The following PCDHGA2 variants were observed in gnomAD, a reference collection of about 807,000 sequenced individuals.
PCDHGA2 encodes the protein protocadherin gamma subfamily A, 2.
Under a neutral mutation model 59.2 loss-of-function variants are expected in PCDHGA2, and 40 were observed. The ratio of observed to expected loss-of-function variants is 0.68; its 90% confidence interval spans 0.52 to 0.88. The LOEUF is 0.88. PCDHGA2 is among the 40% of genes least tolerant of loss of function. The pLI, the probability that PCDHGA2 is intolerant of heterozygous loss-of-function variation, is 0.00. For synonymous variants in PCDHGA2, 560 were observed against 526.0 expected (o/e 1.06, Z -0.89); for missense variants, 1,226 against 1,204.0 (o/e 1.02, Z -0.27).
chr5:141,399,620 CCTCTT>C (rs1251716471), intron 1 of PCDHGA2: 1 of 1,613,940 alleles, frequency 6.2e-7, no homozygotes, highest in Non-Finnish European at 8.5e-7. Context: ...CTGGCACTGG[CCTCTT>C]ACGTGTCCAT....
intron 1 of PCDHGA2, among the ~76,000 whole-genome samples, chr5:141,480,976 T>G (rs1485868136): frequency 6.6e-6 from 1 of 152,108 alleles, no homozygotes; most frequent in Non-Finnish European, 1.5e-5. Context: ...GGAGAATCAG[T>G]GAACCCAGGA....
chr5:141,491,855 G>A lies in PCDHGA2; in HGVS notation c.2425-2952G>A. ...TTCTCGGGATCATTGGACCGTTTGC[G>A]CGAAACCAGAGTGGCCGATTAAGGG... On this transcript the variant is annotated intron_variant, in intron 1 of 3. Coordinates refer to ENST00000394576, the MANE Select transcript of PCDHGA2 (RefSeq NM_018915.4). The surrounding 1 kb of genome is among the most constrained non-coding windows in gnomAD (Gnocchi z 6.9). The A allele has an allele frequency of 2.7e-6, 4 of 1,459,380 alleles. No individual in the cohort carries two copies. The highest frequency in any genetic ancestry group is 3.6e-6 in the Non-Finnish European group (4 of 1,103,492). The allele number at this position is 1,459,380 out of a possible 1,614,324, so 90.4% of individuals were successfully genotyped here. A position where few individuals can be genotyped will look rare whatever the true frequency, so the allele number is the denominator to read the frequency against.
At chr5:141,384,312 T>A in intron 1 of PCDHGA2, 1 of 1,613,806 alleles carries the variant, frequency 6.2e-7, no homozygotes. Flanking sequence ...GGGCCTCCAT[T>A]TTCTTAGTGA....
At chr5:141,376,284 G>T (rs1393856164) in intron 1 of PCDHGA2, 12 of 1,614,102 alleles carry the variant, frequency 7.4e-6, no homozygotes, top group Non-Finnish European at 1.0e-5. Flanking sequence ...GGCTTAGCGA[G>T]CATGCCCGGC....
intron 1 of PCDHGA2, among the ~76,000 whole-genome samples, chr5:141,354,612 C>T (rs1759590702): frequency 6.6e-6 from 1 of 152,210 alleles, no homozygotes; most frequent in Non-Finnish European, 1.5e-5. Context: ...GTTCCTGTCC[C>T]ACTGTCTTTT....
intron 1 of PCDHGA2, among the ~76,000 whole-genome samples, chr5:141,454,538 C>G (rs1229435473): frequency 6.6e-6 from 1 of 152,110 alleles, no homozygotes; most frequent in African/African-American, 2.4e-5. Context: ...TCCCAAGTAG[C>G]TGAGATTACA....
At chr5:141,355,340 A>G (rs1203546160) in intron 1 of PCDHGA2, 1 of 1,614,038 alleles carries the variant, frequency 6.2e-7, no homozygotes, top group Non-Finnish European at 8.5e-7. Flanking sequence ...GTGGTGGGCA[A>G]CATCGCCAAG....
chr5:141,376,252 C>G (rs756828511), intron 1 of PCDHGA2: 1 of 1,614,248 alleles, frequency 6.2e-7, no homozygotes, highest in Non-Finnish European at 8.5e-7. Context: ...ACAAGTCACG[C>G]CTGCTGCAGG....
At chr5:141,454,697 T>A (rs768850161) in intron 1 of PCDHGA2, among the ~76,000 whole-genome samples, 14 of 150,312 alleles carry the variant, frequency 9.3e-5, no homozygotes, top group African/African-American at 3.4e-4. Flanking sequence ...TGAGCCACCA[T>A]GCTCCACCTG....
rs188066304 is a variant in PCDHGA2, at chr5:141,450,907, C to T, written c.2425-43900C>T. On this transcript the variant is annotated intron_variant, in intron 1 of 3. Coordinates refer to ENST00000394576, the MANE Select transcript of PCDHGA2 (RefSeq NM_018915.4). ...TGGTGCGATATCGGCTCACTGCAAC[C>T]GCTGCCTCCCAGATTCAAGCAATTC... is the stretch of plus-strand genomic sequence containing the variant. 6.7e-3 allele frequency among the ~76,000 whole-genome samples: 1,004 copies of T among 150,024 alleles called. 12 individuals carry two copies. The highest frequency in any genetic ancestry group is 0.024 in the African/African-American group (970 of 40,702).
Position 141,366,618 on chromosome 5 carries a change from C to T in PCDHGA2, c.2424+25223C>T, listed in dbSNP as rs781279706. Reference sequence around the variant, plus strand: ...CACGAGGTCTCCCTCACCGCGGACTCGAGGAAGAGTCACCTGATCTTTCCC... The same window carrying T: ...CACGAGGTCTCCCTCACCGCGGACTTGAGGAAGAGTCACCTGATCTTTCCC... On this transcript the variant is annotated intron_variant, in intron 1 of 3. Coordinates refer to ENST00000394576, the MANE Select transcript of PCDHGA2 (RefSeq NM_018915.4). 7.4e-6 allele frequency: 12 copies of T among 1,614,114 alleles called. No homozygotes were observed. Among genetic ancestry groups the T allele is most frequent in the Non-Finnish European group, 1.0e-5 (12 of 1,180,056 alleles).
At chr5:141,409,047 G>T in intron 1 of PCDHGA2, 2 of 1,613,982 alleles carry the variant, frequency 1.2e-6, no homozygotes, top group Admixed American at 1.7e-5. Flanking sequence ...TACTACTTCC[G>T]AAGCACTGCC....
At chr5:141,386,950 A>C (rs538175836) in intron 1 of PCDHGA2, among the ~76,000 whole-genome samples, 7 of 152,364 alleles carry the variant, frequency 4.6e-5, no homozygotes, top group Non-Finnish European at 8.8e-5. Context: ...GCAGTGCTTC[A>C]GTGCAGCAGA....
At chr5:141,433,273 A>T in intron 1 of PCDHGA2, 1 of 1,258,988 alleles carries the variant, frequency 7.9e-7, no homozygotes. Flanking sequence ...AGCTCACTGC[A>T]GCCTCAAACT....
intron 2 of PCDHGA2, among the ~76,000 whole-genome samples, chr5:141,503,977 CCTT>C (rs1012021012): frequency 1.3e-5 from 2 of 152,250 alleles, no homozygotes; most frequent in Admixed American, 1.3e-4. Flanking sequence ...GGTGCCAAAC[CCTT>C]CTTCTTACCT....
At chr5:141,471,590 T>C (rs2099260583) in intron 1 of PCDHGA2, 1 of 152,120 alleles carries the variant, frequency 6.6e-6, no homozygotes. Flanking sequence ...AAGTAATTGA[T>C]AGTTTCAAAA....
At chr5:141,399,728 G>A in intron 1 of PCDHGA2, 1 of 1,613,276 alleles carries the variant, frequency 6.2e-7, no homozygotes, top group East Asian at 2.2e-5. Flanking sequence ...CGCGACCAGG[G>A]CTCGCCTGCG....
intron 1 of PCDHGA2, among the ~76,000 whole-genome samples, chr5:141,492,408 C>T (rs1187024017): frequency 2.0e-5 from 3 of 152,244 alleles, no homozygotes; most frequent in African/African-American, 2.4e-5. Flanking sequence ...CTCCCCTCTG[C>T]CGCTCCCTCC....
chr5:141,473,479 G>GA (rs150184379), intron 1 of PCDHGA2, among the ~76,000 whole-genome samples: 6,877 of 152,218 alleles, frequency 0.045, 184 homozygotes, highest in Middle Eastern at 0.088. Flanking sequence ...AAGTTCAATG[G>GA]AAAAAATATA....
Sources: gnomAD v4.1 joint callset for allele counts (sites outside exome capture counted in the v4.1 genomes callset) on GRCh38, gnomAD v4.1.1 for gene constraint, Gnocchi (gnomAD v3.1) non-coding constraint, MANE v1.5 for transcripts, NCBI Gene and HGNC (gene_info 2026-07-23, HGNC 2026-07-21) for gene names.